UGT1A8: variants seen among roughly 807,000 people sequenced by gnomAD.
The protein encoded by UGT1A8 is UDP-glucuronosyltransferase 1A8.
A neutral mutation model predicts 45.3 loss-of-function variants in UGT1A8; 39 were observed. That is an observed-to-expected ratio of 0.86 (90% CI 0.67 to 1.12). The LOEUF (loss-of-function observed/expected upper bound fraction) is 1.12, where lower values mean the gene tolerates loss of function less well. Among genes scored for constraint, UGT1A8 ranks in the 50% most tolerant of loss-of-function variants. The pLI, the probability that UGT1A8 is intolerant of heterozygous loss-of-function variation, is 0.00. For missense variants in UGT1A8, 719 were observed against 664.9 expected (o/e 1.08, Z -0.90); for synonymous variants, 275 against 249.2 (o/e 1.10, Z -0.97).
intron 1 of UGT1A8, among the ~76,000 whole-genome samples, chr2:233,718,336 A>G (rs1383630356): frequency 6.6e-6 from 1 of 152,212 alleles, no homozygotes; most frequent in East Asian, 1.9e-4. Context: ...GCAATGTTGT[A>G]TGTCTTTTGG....
At chr2:233,754,555 A>G in intron 1 of UGT1A8, 1 of 389,272 alleles carries the variant, frequency 2.6e-6, no homozygotes, top group South Asian at 1.9e-5. Flanking sequence ...CTTGGTGTCA[A>G]TGGGGAGCAA....
intron 1 of UGT1A8, among the ~76,000 whole-genome samples, chr2:233,674,329 G>A (rs886811477): frequency 6.6e-6 from 1 of 152,158 alleles, no homozygotes; most frequent in African/African-American, 2.4e-5. Context: ...GCTAGGAGAT[G>A]CAAATGGCAG....
chr2:233,768,681 C>T lies in UGT1A8; in HGVS notation c.1295+242C>T, dbSNP rs537750391. On this transcript the variant is annotated intron_variant, in intron 4 of 4. Coordinates refer to ENST00000373450, the MANE Select transcript of UGT1A8 (RefSeq NM_019076.5). Reference sequence around the variant, plus strand: ...GGCTTACTGCAACCTCCACCTCCCACGTTCAAGCAGTTCTGCCTCAGCCTC... The same window carrying T: ...GGCTTACTGCAACCTCCACCTCCCATGTTCAAGCAGTTCTGCCTCAGCCTC... 2.7e-5 allele frequency among the ~76,000 whole-genome samples: 4 copies of T among 148,006 alleles called. No individual in the cohort carries two copies. The East Asian group carries it at 6.1e-4, about 23-fold the overall frequency.
At chr2:233,767,532 T>C (rs183725309) in intron 2 of UGT1A8, among the ~76,000 whole-genome samples, 16 of 152,382 alleles carry the variant, frequency 1.0e-4, no homozygotes, top group Non-Finnish European at 2.1e-4. Context: ...ATGTCTTACA[T>C]TTCTGCTCTT....
intron 1 of UGT1A8, chr2:233,690,415 C>A: frequency 8.3e-7 from 1 of 1,207,142 alleles, no homozygotes; most frequent in Non-Finnish European, 1.1e-6. Flanking sequence ...CATGAAATTA[C>A]CTTCATGCAC....
At chr2:233,748,014 C>A in intron 1 of UGT1A8, 1 of 1,613,488 alleles carries the variant, frequency 6.2e-7, no homozygotes, top group Non-Finnish European at 8.5e-7. Flanking sequence ...TTACCCCAGG[C>A]CGATCATGCC....
At chr2:233,628,698 G>A (rs1323967392) in intron 1 of UGT1A8, among the ~76,000 whole-genome samples, 1 of 152,114 alleles carries the variant, frequency 6.6e-6, no homozygotes, top group Non-Finnish European at 1.5e-5. Flanking sequence ...TTGCCTTGAG[G>A]AGTGGAGCAT....
chr2:233,700,818 C>A (rs1217450259), intron 1 of UGT1A8, among the ~76,000 whole-genome samples: 1 of 151,898 alleles, frequency 6.6e-6, no homozygotes, highest in Non-Finnish European at 1.5e-5. Flanking sequence ...GTGTGCTGCA[C>A]CCATTAACTC....
chr2:233,728,632 C>G (rs1273558536), intron 1 of UGT1A8, among the ~76,000 whole-genome samples: 1 of 152,160 alleles, frequency 6.6e-6, no homozygotes, highest in Non-Finnish European at 1.5e-5. Context: ...GCTGGCTTAG[C>G]AATGTTGTAT....
At chr2:233,709,273 G>A (rs538437236) in intron 1 of UGT1A8, among the ~76,000 whole-genome samples, 1 of 152,244 alleles carries the variant, frequency 6.6e-6, no homozygotes, top group African/African-American at 2.4e-5. Flanking sequence ...TCCACGCTGT[G>A]AATTACCCTT....
intron 1 of UGT1A8, among the ~76,000 whole-genome samples, chr2:233,635,912 A>G (rs1194553248): frequency 6.6e-6 from 1 of 150,908 alleles, no homozygotes; most frequent in Non-Finnish European, 1.5e-5. Context: ...AGTCCCTGGT[A>G]TGGTCCATGG....
intron 1 of UGT1A8, chr2:233,712,962 G>C: frequency 6.2e-7 from 1 of 1,612,880 alleles, no homozygotes; most frequent in Non-Finnish European, 8.5e-7. Flanking sequence ...ACGTGGGGTG[G>C]ACAGTCAGCT....
At chr2:233,688,874 A>G (rs970041942) in intron 1 of UGT1A8, among the ~76,000 whole-genome samples, 1 of 152,168 alleles carries the variant, frequency 6.6e-6, no homozygotes, top group Non-Finnish European at 1.5e-5. Flanking sequence ...TTGCAGGATA[A>G]GGAGTGGCAA....
At chr2:233,772,226 G>C (rs1559419626) in intron 4 of UGT1A8, 36 bp from the exon 5 acceptor site, 2 of 1,613,458 alleles carry the variant, frequency 1.2e-6, no homozygotes, top group Non-Finnish European at 1.7e-6. Context: ...CATACCACAG[G>C]TGTTCCAGGC....
chr2:233,680,380 C>T (rs1457005127), intron 1 of UGT1A8, among the ~76,000 whole-genome samples: 1 of 152,172 alleles, frequency 6.6e-6, no homozygotes, highest in Non-Finnish European at 1.5e-5. Flanking sequence ...CTTTAGCTCC[C>T]TGCAATAGCA....
At chr2:233,671,543 A>G (rs1246192526) in intron 1 of UGT1A8, among the ~76,000 whole-genome samples, 9 of 152,234 alleles carry the variant, frequency 5.9e-5, no homozygotes, top group Non-Finnish European at 1.0e-4. Context: ...GCCTAAAGGT[A>G]AAATCTAAAT....
chr2:233,755,086 G>A (rs1190713460), intron 1 of UGT1A8: 3 of 1,335,468 alleles, frequency 2.2e-6, no homozygotes, highest in Non-Finnish European at 3.0e-6. Flanking sequence ...TAGATATCGC[G>A]TTTCTACGCG....
chr2:233,763,116 C>G lies in UGT1A8; in HGVS notation c.856-3918C>G, dbSNP rs565550780. On this transcript the variant is annotated intron_variant, in intron 1 of 4. Transcript: ENST00000373450. ...GAGAGGCACCGAACTTTATCAGCTG[C>G]CTTTCTGGCATTTATTGATATAACC... Among the ~76,000 whole-genome samples, 8 of 152,296 alleles carry G rather than the reference C, an allele frequency of 5.3e-5. No individual in the cohort carries two copies. The South Asian group carries it at 8.3e-4, about 16-fold the overall frequency.
At chr2:233,669,036 G>A (rs960507931) in intron 1 of UGT1A8, among the ~76,000 whole-genome samples, 2 of 152,182 alleles carry the variant, frequency 1.3e-5, no homozygotes, top group African/African-American at 4.8e-5. Flanking sequence ...TTAGGAGGAA[G>A]ACCACAAGGT....
Sources: gnomAD v4.1 joint callset for allele counts (sites outside exome capture counted in the v4.1 genomes callset) on GRCh38, gnomAD v4.1.1 for gene constraint, MANE v1.5 for transcripts, NCBI Gene and HGNC (gene_info 2026-07-23, HGNC 2026-07-21) for gene names.